The following LY6E variants were observed in gnomAD, a reference collection of about 807,000 sequenced individuals.
LY6E encodes the protein lymphocyte antigen 6E.
LY6E carries 4 observed loss-of-function variants against 7.7 expected under a neutral mutation model. The ratio of observed to expected loss-of-function variants is 0.52; its 90% CI spans 0.25 to 1.18. The LOEUF (loss-of-function observed/expected upper bound fraction) is 1.18, where lower values mean the gene tolerates loss of function less well. Among genes scored for constraint, LY6E ranks in the 50% most tolerant of loss-of-function variants. The pLI is 0.14. For missense variants in LY6E, 156 were observed against 168.0 expected, an observed-to-expected ratio of 0.93 and a Z score of 0.40; for synonymous variants, 81 against 80.1, an observed-to-expected ratio of 1.01 and a Z score of -0.06.
At chr8:143,020,087 G>A (rs1819180629) in intron 1 of LY6E, among the ~76,000 whole-genome samples, 1 of 152,148 alleles carries the variant, frequency 6.6e-6, no homozygotes, top group Admixed American at 6.5e-5. Context: ...CAGGAATGGG[G>A]AGTGCTTTCC....
At chr8:143,021,099 C>G (rs545562288) in intron 2 of LY6E, 108 bp downstream of exon 2, 1 of 1,351,766 alleles carries the variant, frequency 7.4e-7, no homozygotes, top group African/African-American at 1.4e-5. Flanking sequence ...CCAGGCCGCT[C>G]CCAGCAGAGG....
intron 3 of LY6E, 58 bp downstream of exon 3, chr8:143,021,491 CG>C: frequency 6.2e-7 from 1 of 1,613,270 alleles, no homozygotes; most frequent in Admixed American, 1.7e-5. Context: ...TAGCCCGGGC[CG>C]GGGCTCAGCA....
At chr8:143,021,509 A>G in intron 3 of LY6E, 57 bp from the exon 4 acceptor site, 1 of 1,612,472 alleles carries the variant, frequency 6.2e-7, no homozygotes, top group South Asian at 1.1e-5. Flanking sequence ...AGCAGAGGCC[A>G]TTGCTGTCTG....
chr8:143,020,146 G>C (rs981003731), intron 1 of LY6E: 1 of 152,324 alleles, frequency 6.6e-6, no homozygotes, highest in African/African-American at 2.4e-5. Context: ...GAGGGGAGCT[G>C]CCTGGGCTCA....
In LY6E at chr8:143,019,562, G is replaced by A. The variant is rs1380044125; in HGVS notation, c.-58+976G>A. ...AAGGAATTGGAGATCCTTCCTCCTC[G>A]GGCTACTCCCTGGAGGCGGGGATAG... On this transcript the variant is annotated intron_variant, in intron 1 of 3. Transcript: ENST00000292494. Among the ~76,000 whole-genome samples, 4 of 152,194 alleles carry A rather than the reference G, an allele frequency of 2.6e-5. 1 individual carries two copies. Among genetic ancestry groups the A allele is most frequent in the Admixed American group, 2.6e-4 (4 of 15,290 alleles).
chr8:143,021,033 C>T, intron 2 of LY6E, 42 bp downstream of exon 2: 1 of 1,600,252 alleles, frequency 6.2e-7, no homozygotes, highest in Non-Finnish European at 8.6e-7. Flanking sequence ...TCCAGCTGTG[C>T]CCTGCTCCAC....
intron 1 of LY6E, among the ~76,000 whole-genome samples, chr8:143,020,555 C>A (rs374046749): frequency 6.6e-6 from 1 of 152,316 alleles, no homozygotes; most frequent in East Asian, 1.9e-4. Flanking sequence ...AATATTATGA[C>A]TGATCACCAT....
At chr8:143,019,355 A>C (rs1027173043) in intron 1 of LY6E, among the ~76,000 whole-genome samples, 4 of 151,910 alleles carry the variant, frequency 2.6e-5, no homozygotes, top group Admixed American at 6.5e-5. Context: ...CGGCCTTCCT[A>C]ATTGCCTTCG....
At position 143,021,776 on chromosome 8, in the gene LY6E, G is replaced by A. The variant is rs780482516; in HGVS notation, c.383G>A (p.Arg128Gln). Residue 128 changes from arginine to glutamine, a missense_variant, in exon 4 of 4, where the codon CGG becomes CAG. Transcript: ENST00000292494. ...LLLSLLPALL[R>Q]FGP ...CTGAGCCTGCTGCCGGCCCTGCTGC[G>A]GTTTGGCCCCTGACCGCCCAGACCC... The A allele has an allele frequency of 5.0e-5, 80 of 1,605,070 alleles. No individual in the cohort carries two copies. In the South Asian group the frequency reaches 6.5e-4, roughly 13 times the overall value.
intron 2 of LY6E, 67 bp from the exon 3 acceptor site, chr8:143,021,247 C>T (rs1180101367): frequency 1.3e-6 from 2 of 1,574,650 alleles, no homozygotes; most frequent in Non-Finnish European, 1.7e-6. Context: ...CAGTAAATGT[C>T]CACTGGGGTC....
intron 1 of LY6E, among the ~76,000 whole-genome samples, chr8:143,019,493 G>A (rs1160161751): frequency 6.6e-6 from 1 of 152,188 alleles, no homozygotes; most frequent in Non-Finnish European, 1.5e-5. Flanking sequence ...GACAGCTCAG[G>A]GACCCCCCCA....
chr8:143,020,756 G>A, intron 1 of LY6E, 127 bp from the exon 2 acceptor site: 1 of 615,028 alleles, frequency 1.6e-6, no homozygotes, highest in Admixed American at 2.7e-5. Flanking sequence ...AGAGAAGCAG[G>A]GAAGTCCTTG....
chr8:143,020,675 G>A (rs1176451784), intron 1 of LY6E, among the ~76,000 whole-genome samples: 1 of 152,216 alleles, frequency 6.6e-6, no homozygotes, highest in African/African-American at 2.4e-5. Context: ...TGCCTGTGCA[G>A]CCCCCTCCTG....
intron 1 of LY6E, chr8:143,018,889 G>A (rs1819139337): frequency 6.6e-6 from 1 of 152,342 alleles, no homozygotes; most frequent in East Asian, 1.9e-4. Context: ...CTGCCGCCAG[G>A]AGCCTCCCGG....
chr8:143,019,314 G>C (rs544441174), intron 1 of LY6E, among the ~76,000 whole-genome samples: 2 of 152,194 alleles, frequency 1.3e-5, no homozygotes, highest in Non-Finnish European at 2.9e-5. Flanking sequence ...ACGGCCTGCC[G>C]GCTGGCTCCC....
At chr8:143,019,280 G>T (rs575694989) in intron 1 of LY6E, among the ~76,000 whole-genome samples, 9 of 152,206 alleles carry the variant, frequency 5.9e-5, no homozygotes, top group Non-Finnish European at 1.2e-4. Flanking sequence ...TGAGCCTGCA[G>T]CCTGGGCCCC....
chr8:143,022,009 T>C lies in LY6E; in HGVS notation c.*220T>C. The C allele has an allele frequency of 1.7e-6, 1 of 589,588 alleles. No homozygotes were observed. Among genetic ancestry groups the C allele is most frequent in the Non-Finnish European group, 3.0e-6 (1 of 332,148 alleles). 36.5% of individuals were successfully genotyped at this position (589,588 alleles called of 1,614,324 possible). On this transcript the variant is annotated 3_prime_UTR_variant, in exon 4 of 4. Coordinates refer to ENST00000292494, the MANE Select transcript of LY6E (RefSeq NM_002346.3). ...TCTGGGGTGGATGATGTGACCTTCC[T>C]TGGGGGACCGCGGAAGGGACGAGGG...
chr8:143,019,872 C>G (rs191708865), intron 1 of LY6E, among the ~76,000 whole-genome samples: 1 of 152,224 alleles, frequency 6.6e-6, no homozygotes, highest in Admixed American at 6.5e-5. Flanking sequence ...GAATCACGAC[C>G]CCAGCTGGGT....
intron 2 of LY6E, 37 bp downstream of exon 2, chr8:143,021,028 C>G: frequency 1.2e-6 from 2 of 1,606,118 alleles, no homozygotes; most frequent in Non-Finnish European, 1.7e-6. Flanking sequence ...CTTTGTCCAG[C>G]TGTGCCCTGC....
Sources: gnomAD v4.1 joint callset for allele counts (sites outside exome capture counted in the v4.1 genomes callset) on GRCh38, gnomAD v4.1.1 for gene constraint, MANE v1.5 for transcripts, NCBI Gene and HGNC (gene_info 2026-07-23, HGNC 2026-07-21) for gene names.